FGF12: variants seen among roughly 807,000 people sequenced by gnomAD.
FGF12 encodes fibroblast growth factor 12, also known as fibroblast growth factor 12B.
A neutral mutation model predicts 23.6 loss-of-function variants in FGF12; 14 were observed. The observed-to-expected ratio is 0.59, with a 90% confidence interval of 0.39 to 0.93. The LOEUF (loss-of-function observed/expected upper bound fraction) is 0.93, where lower values mean the gene tolerates loss of function less well. Ranked by LOEUF, FGF12 falls within the 40% of genes least tolerant of loss-of-function variation. The pLI, the probability that FGF12 is intolerant of heterozygous loss-of-function variation, is 0.00. For synonymous variants in FGF12, 62 were observed against 77.3 expected (o/e 0.80, Z 1.04); for missense variants, 175 against 217.8 (o/e 0.80, Z 1.24).
At chr3:192,399,250 G>T (rs1720657110) in intron 2 of FGF12, among the ~76,000 whole-genome samples, 2 of 152,078 alleles carry the variant, frequency 1.3e-5, no homozygotes, top group African/African-American at 4.8e-5. Flanking sequence ...AGGTCATGAA[G>T]CCTCTCTCCT....
chr3:192,702,911 A>G (rs1718347638), intron 2 of FGF12, among the ~76,000 whole-genome samples: 2 of 152,238 alleles, frequency 1.3e-5, no homozygotes, highest in Non-Finnish European at 2.9e-5. Flanking sequence ...TTAAATAACA[A>G]TATATGTTAT....
chr3:192,687,693 C>A (rs1004193338), intron 2 of FGF12, among the ~76,000 whole-genome samples: 2 of 152,042 alleles, frequency 1.3e-5, no homozygotes, highest in African/African-American at 2.4e-5. Flanking sequence ...GCAGGCCCCA[C>A]CCCCCAGCTC....
chr3:192,245,653 T>G (rs1466457759), intron 4 of FGF12, among the ~76,000 whole-genome samples: 1 of 152,174 alleles, frequency 6.6e-6, no homozygotes, highest in Non-Finnish European at 1.5e-5. Context: ...CCTTAAATAA[T>G]TTGCATGGTA....
At chr3:192,425,503 G>A (rs992428228) in intron 2 of FGF12, among the ~76,000 whole-genome samples, 5 of 152,132 alleles carry the variant, frequency 3.3e-5, no homozygotes, top group African/African-American at 1.2e-4. Flanking sequence ...GTCCTCCAGG[G>A]CAGCGATCCT....
intron 2 of FGF12, among the ~76,000 whole-genome samples, chr3:192,706,821 A>C (rs1010379752): frequency 6.6e-6 from 1 of 152,220 alleles, no homozygotes; most frequent in Non-Finnish European, 1.5e-5. Flanking sequence ...ACAGAGATAG[A>C]ATCAAAGAAA....
At chr3:192,554,830 CA>C (rs1319980864) in intron 2 of FGF12, among the ~76,000 whole-genome samples, 2 of 150,548 alleles carry the variant, frequency 1.3e-5, no homozygotes, top group African/African-American at 4.9e-5. Flanking sequence ...AGAATATCAA[CA>C]AAAATAAAAT....
intron 2 of FGF12, among the ~76,000 whole-genome samples, chr3:192,477,059 C>G (rs566422500): frequency 1.6e-4 from 25 of 152,264 alleles, no homozygotes; most frequent in Non-Finnish European, 3.1e-4. Context: ...GAACCCAGGG[C>G]TAGTAGCAGC....
At chr3:192,378,588 C>G (rs1159617693) in intron 2 of FGF12, among the ~76,000 whole-genome samples, 3 of 152,062 alleles carry the variant, frequency 2.0e-5, no homozygotes, top group Non-Finnish European at 4.4e-5. Flanking sequence ...TTTTAGCAAA[C>G]AGCTCTTCAA....
intron 2 of FGF12, among the ~76,000 whole-genome samples, chr3:192,369,744 A>G (rs1719139301): frequency 6.6e-6 from 1 of 152,248 alleles, no homozygotes; most frequent in Admixed American, 6.5e-5. Flanking sequence ...TGCTGGGTAC[A>G]AAGATGAGTA....
intron 4 of FGF12, among the ~76,000 whole-genome samples, chr3:192,286,481 T>C (rs1714455284): frequency 6.6e-6 from 1 of 152,032 alleles, no homozygotes; most frequent in African/African-American, 2.4e-5. Context: ...ATCTGCAATC[T>C]GACTGAATTG....
chr3:192,325,013 T>C (rs542700768), intron 4 of FGF12, among the ~76,000 whole-genome samples: 3 of 152,324 alleles, frequency 2.0e-5, no homozygotes, highest in South Asian at 4.1e-4. Flanking sequence ...TTACTATGAA[T>C]ACATTGTAAG....
intron 2 of FGF12, among the ~76,000 whole-genome samples, chr3:192,679,236 C>T (rs1398942762): frequency 2.6e-5 from 4 of 152,098 alleles, no homozygotes; most frequent in Non-Finnish European, 4.4e-5. Context: ...CAAAGTGAGG[C>T]ACAGGAAGAT....
intron 3 of FGF12, among the ~76,000 whole-genome samples, chr3:192,344,357 T>C (rs1426236770): frequency 4.6e-5 from 7 of 151,316 alleles, no homozygotes; most frequent in Admixed American, 4.6e-4. Context: ...TAAAATGTTA[T>C]GGGAGAAAAA....
At chr3:192,369,334 G>C (rs1445624169) in intron 2 of FGF12, among the ~76,000 whole-genome samples, 1 of 152,078 alleles carries the variant, frequency 6.6e-6, no homozygotes, top group Non-Finnish European at 1.5e-5. Context: ...TTCCAATTTT[G>C]TCCTGCACAC....
intron 4 of FGF12, among the ~76,000 whole-genome samples, chr3:192,293,241 GAA>G (rs11306855): frequency 2.0e-5 from 3 of 150,758 alleles, no homozygotes; most frequent in African/African-American, 7.3e-5. Flanking sequence ...GATGTTTACT[GAA>G]AAAAAAATGG....
intron 2 of FGF12, among the ~76,000 whole-genome samples, chr3:192,393,361 A>G (rs1015616451): frequency 6.6e-6 from 1 of 152,210 alleles, no homozygotes; most frequent in African/African-American, 2.4e-5. Context: ...AAATAATCCT[A>G]TAGGAGCCCT....
intron 2 of FGF12, among the ~76,000 whole-genome samples, chr3:192,521,600 T>C (rs192187426): frequency 2.2e-4 from 33 of 152,246 alleles, no homozygotes; most frequent in African/African-American, 7.7e-4. Context: ...TTCCACCCTT[T>C]TCTCCTATCA....
rs76894849 is a variant in FGF12, at chr3:192,572,722, T to C, written c.13+154459A>G. On this transcript the variant is annotated intron_variant, in intron 2 of 5. Transcript: ENST00000445105. ...TTTAGAAATTACATACTAAACTATTTTAATCAGAGCTATAAAGCACACAGT... is the reference window on the plus strand; with the variant it reads ...TTTAGAAATTACATACTAAACTATTCTAATCAGAGCTATAAAGCACACAGT... Among the ~76,000 whole-genome samples the C allele has an allele frequency of 1.7e-3, 265 of 152,310 alleles. 8 individuals carry two copies. In the East Asian group the frequency reaches 0.029, roughly 17 times the overall value.
At chr3:192,721,139 T>C (rs1241080595) in intron 2 of FGF12, among the ~76,000 whole-genome samples, 1 of 152,184 alleles carries the variant, frequency 6.6e-6, no homozygotes, top group Non-Finnish European at 1.5e-5. Flanking sequence ...TCGTGCAGTA[T>C]ACTTGCTGCT....
Sources: allele counts gnomAD v4.1 joint callset (sites outside exome capture counted in the v4.1 genomes callset), GRCh38; gene constraint gnomAD v4.1.1; transcripts MANE v1.5; gene names NCBI Gene and HGNC (gene_info 2026-07-23, HGNC 2026-07-21).